The following RALYL variants were observed in gnomAD, a reference collection of about 807,000 sequenced individuals.
RALYL encodes the protein RNA-binding Raly-like protein.
A neutral mutation model predicts 35.1 loss-of-function variants in RALYL; 29 were observed. The observed-to-expected ratio is 0.83, with a 90% CI of 0.61 to 1.13. The LOEUF (loss-of-function observed/expected upper bound fraction) is 1.13. Among genes scored for constraint, RALYL ranks in the 50% most tolerant of loss-of-function variants. The pLI, the probability that RALYL is intolerant of heterozygous loss-of-function variation, is 0.00. For synonymous variants in RALYL, 120 were observed against 127.6 expected, an observed-to-expected ratio of 0.94 and a Z score of 0.40; for missense variants, 359 against 360.4, an observed-to-expected ratio of 1.00 and a Z score of 0.03.
intron 1 of RALYL, among the ~76,000 whole-genome samples, chr8:84,505,653 A>G (rs1473072225): frequency 2.0e-5 from 3 of 151,786 alleles, no homozygotes; most frequent in Non-Finnish European, 2.9e-5. Context: ...GAATGATTCC[A>G]TCACCCAGGT....
intron 2 of RALYL, among the ~76,000 whole-genome samples, chr8:84,666,349 C>A (rs781493496): frequency 6.6e-6 from 1 of 151,884 alleles, no homozygotes; most frequent in Non-Finnish European, 1.5e-5. Flanking sequence ...AAAATGAGTA[C>A]GCATGTGCAC....
chr8:84,664,132 G>A (rs1215477342), intron 2 of RALYL, among the ~76,000 whole-genome samples: 28 of 152,030 alleles, frequency 1.8e-4, no homozygotes, highest in Admixed American at 1.8e-3. Flanking sequence ...TTGTAGGTGT[G>A]TGGACTTATT....
chr8:84,395,328 A>T (rs1478684709), intron 1 of RALYL, among the ~76,000 whole-genome samples: 1 of 151,930 alleles, frequency 6.6e-6, no homozygotes, highest in Non-Finnish European at 1.5e-5. Context: ...TCTAATAAAA[A>T]ATATAGAATA....
rs546491727 is a variant in RALYL, at chr8:84,219,684, T to C, written c.-24+35260T>C. On this transcript the variant is annotated intron_variant, in intron 1 of 8. Coordinates refer to ENST00000521268, the MANE Select transcript of RALYL (RefSeq NM_173848.7). ...ATGGATGAGAATGCAGGGTGCAACA[T>C]AGCATAACTGAGTAAAAGGAAATTA... Among the ~76,000 whole-genome samples the C allele has an allele frequency of 5.9e-5, 9 of 152,024 alleles. No homozygotes were observed. In the East Asian group the frequency reaches 1.7e-3, roughly 29 times the overall value.
chr8:84,672,645 C>G (rs1833487058), intron 2 of RALYL, among the ~76,000 whole-genome samples: 1 of 152,082 alleles, frequency 6.6e-6, no homozygotes, highest in South Asian at 2.1e-4. Context: ...TGGCAGAAGG[C>G]AAAGGAGGAG....
chr8:84,525,953 C>CTTTTTTTTTTTT (rs35794329), intron 1 of RALYL, among the ~76,000 whole-genome samples: 282 of 104,786 alleles, frequency 2.7e-3, no homozygotes, highest in Non-Finnish European at 3.2e-3. Context: ...TTTCTTTTTT[C>CTTTTTTTTTTTT]TTTTTTTTTT....
intron 1 of RALYL, among the ~76,000 whole-genome samples, chr8:84,454,780 C>T (rs922575968): frequency 1.1e-4 from 16 of 152,058 alleles, no homozygotes; most frequent in African/African-American, 3.9e-4. Flanking sequence ...TCTATGGAAA[C>T]AAACAATGTC....
In RALYL at chr8:84,632,567, G is replaced by A. The variant is rs141157558; in HGVS notation, c.256+102990G>A. Among the ~76,000 whole-genome samples, 207 of 150,746 alleles carry A rather than the reference G, an allele frequency of 1.4e-3. 4 individuals are homozygous for A. The East Asian group carries it at 0.031, about 23-fold the overall frequency. On this transcript the variant is annotated intron_variant, in intron 2 of 8. Coordinates refer to ENST00000521268, the MANE Select transcript of RALYL (RefSeq NM_173848.7). Reference sequence around the variant, plus strand: ...CAGTTGTCAATTGAGATATTTGGTTGTGACTTTATATAGACCTGTGTGTGT... The same window carrying A: ...CAGTTGTCAATTGAGATATTTGGTTATGACTTTATATAGACCTGTGTGTGT...
intron 1 of RALYL, among the ~76,000 whole-genome samples, chr8:84,201,961 T>C (rs538105228): frequency 2.7e-4 from 41 of 152,268 alleles, no homozygotes; most frequent in African/African-American, 7.5e-4. Context: ...GATTTCCTTT[T>C]TTTATATCCA....
intron 1 of RALYL, among the ~76,000 whole-genome samples, chr8:84,451,329 T>C (rs1210038200): frequency 2.6e-5 from 4 of 151,946 alleles, no homozygotes; most frequent in Non-Finnish European, 5.9e-5. Flanking sequence ...GATATAAAAA[T>C]AAATCAGAGC....
chr8:84,625,475 G>A (rs557672686), intron 2 of RALYL, among the ~76,000 whole-genome samples: 1 of 152,264 alleles, frequency 6.6e-6, no homozygotes, highest in African/African-American at 2.4e-5. Context: ...TAGAGAGAGT[G>A]TATTTGGTAA....
In RALYL at chr8:84,342,277, A is replaced by AATATATATATATATATATATAT. The variant is rs57901276; in HGVS notation, c.-24+157872_-24+157873insTATATATATATATATATATATA. Among the ~76,000 whole-genome samples the AATATATATATATATATATATAT allele has an allele frequency of 2.7e-3, 178 of 66,096 alleles. 22 individuals carry two copies. Among genetic ancestry groups the AATATATATATATATATATATAT allele is most frequent in the South Asian group, 8.5e-3 (21 of 2,472 alleles). The allele number at this position is 66,096 out of a possible 152,430, so 43.4% of individuals were successfully genotyped here. On this transcript the variant is annotated intron_variant, in intron 1 of 8. Transcript: ENST00000521268. ...TGAGTGAGGGTACAGAGCATCGTTCAATATATATATATATATATAAAACTC... is the reference window on the plus strand; with the variant it reads ...TGAGTGAGGGTACAGAGCATCGTTCAATATATATATATATATATATATATATATATATATATATATAAAACTC...
chr8:84,464,503 G>T (rs7833496), intron 1 of RALYL, among the ~76,000 whole-genome samples: 12,785 of 150,464 alleles, frequency 0.085, 723 homozygotes, highest in African/African-American at 0.16. Context: ...GTATTCCATG[G>T]TGTATATGTG....
intron 4 of RALYL, among the ~76,000 whole-genome samples, chr8:84,814,223 T>C (rs898119814): frequency 2.0e-5 from 3 of 152,234 alleles, no homozygotes; most frequent in Middle Eastern, 3.4e-3. Context: ...ATGTATCATG[T>C]TCTAAAGAGT....
At chr8:84,755,252 A>C (rs1811095527) in intron 2 of RALYL, among the ~76,000 whole-genome samples, 1 of 152,176 alleles carries the variant, frequency 6.6e-6, no homozygotes, top group Non-Finnish European at 1.5e-5. Flanking sequence ...AACAGATGCT[A>C]TGTCTCACAA....
At chr8:84,562,288 A>G (rs891837823) in intron 2 of RALYL, among the ~76,000 whole-genome samples, 4 of 151,932 alleles carry the variant, frequency 2.6e-5, no homozygotes, top group Non-Finnish European at 5.9e-5. Flanking sequence ...AGTGAACTGT[A>G]GCCGGCCAGC....
At chr8:84,306,096 G>T (rs146790092) in intron 1 of RALYL, among the ~76,000 whole-genome samples, 3 of 151,706 alleles carry the variant, frequency 2.0e-5, no homozygotes, top group African/African-American at 4.8e-5. Context: ...CCTGGGAGGC[G>T]GAGCTTTCAG....
chr8:84,857,802 A>T (rs1015930578), intron 5 of RALYL, among the ~76,000 whole-genome samples: 2 of 152,190 alleles, frequency 1.3e-5, no homozygotes, highest in Non-Finnish European at 2.9e-5. Flanking sequence ...CAGATTAAAG[A>T]ATTATAGTAG....
At chr8:84,706,236 G>T (rs1359702520) in intron 2 of RALYL, among the ~76,000 whole-genome samples, 1 of 152,088 alleles carries the variant, frequency 6.6e-6, no homozygotes, top group Non-Finnish European at 1.5e-5. Flanking sequence ...AGATGTTGAG[G>T]GCAGAGGGGA....
Sources: allele counts gnomAD v4.1 joint callset (sites outside exome capture counted in the v4.1 genomes callset), GRCh38; gene constraint gnomAD v4.1.1; transcripts MANE v1.5; gene names NCBI Gene and HGNC (gene_info 2026-07-23, HGNC 2026-07-21).